RGPD2: variants seen among roughly 807,000 people sequenced by gnomAD.
RGPD2 encodes the protein RANBP2-like and GRIP domain-containing protein 2.
A neutral mutation model predicts 36.0 loss-of-function variants in RGPD2; 2 were observed. That is an observed-to-expected ratio of 0.06 (90% CI 0.02 to 0.17). RGPD2 has a LOEUF of 0.17. Ranked by LOEUF, RGPD2 falls within the 10% of genes least tolerant of loss-of-function variation. The pLI is 1.00. For synonymous variants in RGPD2, 19 were observed against 163.8 expected (o/e 0.12, Z 6.75); for missense variants, 40 against 464.3 (o/e 0.09, Z 8.40).
At chr2:87,922,356 T>C in the RGPD2 span, among the ~76,000 whole-genome samples, 9 of 150,228 alleles carry the variant, frequency 6.0e-5, no homozygotes, top group African/African-American at 2.0e-4. Context: ...AACTAACATA[T>C]TATAAAGTTC....
At chr2:87,973,751 T>C in the RGPD2 span, among the ~76,000 whole-genome samples, 1 of 150,742 alleles carries the variant, frequency 6.6e-6, no homozygotes, top group African/African-American at 2.4e-5. Context: ...GAGTTCCTAC[T>C]GACTTACTTT....
chr2:87,894,451 T>G, the RGPD2 span, among the ~76,000 whole-genome samples: 2 of 150,242 alleles, frequency 1.3e-5, no homozygotes, highest in Non-Finnish European at 3.0e-5. Flanking sequence ...ATAGTGTTGA[T>G]TCAATTAAAG....
At chr2:87,869,065 T>G in the RGPD2 span, among the ~76,000 whole-genome samples, 1 of 152,166 alleles carries the variant, frequency 6.6e-6, no homozygotes, top group Non-Finnish European at 1.5e-5. Context: ...TTGTCCCAAC[T>G]TTATAAACTC....
chr2:87,850,102 TTTTTG>T, the RGPD2 span, among the ~76,000 whole-genome samples: 2 of 135,158 alleles, frequency 1.5e-5, no homozygotes, highest in Non-Finnish European at 3.2e-5. Context: ...AACGTACTTA[TTTTTG>T]TAATGATAAA....
chr2:87,965,887 GA>G, the RGPD2 span, among the ~76,000 whole-genome samples: 1 of 124,098 alleles, frequency 8.1e-6, no homozygotes, highest in Admixed American at 9.3e-5. Flanking sequence ...TAAAGCCCTA[GA>G]AGTATAACCA....
chr2:87,877,723 C>T, the RGPD2 span, among the ~76,000 whole-genome samples: 8 of 143,246 alleles, frequency 5.6e-5, no homozygotes, highest in Admixed American at 1.5e-4. Flanking sequence ...GAGAATGGCA[C>T]GAACCCAGGA....
the RGPD2 span, among the ~76,000 whole-genome samples, chr2:87,974,275 G>A: frequency 6.9e-6 from 1 of 145,638 alleles, no homozygotes; most frequent in Non-Finnish European, 1.5e-5. Flanking sequence ...GTGGAGCGTA[G>A]AGCACAAGTC....
chr2:87,857,774 T>TAAAAAAA, the RGPD2 span, among the ~76,000 whole-genome samples: 15 of 123,452 alleles, frequency 1.2e-4, no homozygotes, highest in African/African-American at 5.7e-4. Context: ...CCATCTCTAC[T>TAAAAAAA]AAAAAAAAAA....
At chr2:87,758,364 CA>C (rs1203841978) in intron 22 of RGPD2, among the ~76,000 whole-genome samples, 1 of 108,200 alleles carries the variant, frequency 9.2e-6, no homozygotes, top group Non-Finnish European at 1.9e-5. Context: ...TTCACATGGA[CA>C]AAATGGTGTT....
chr2:87,916,780 G>A, the RGPD2 span, among the ~76,000 whole-genome samples: 33 of 150,724 alleles, frequency 2.2e-4, no homozygotes, highest in East Asian at 6.6e-3. Context: ...AGAACCATGA[G>A]CCAATTAAAC....
chr2:87,845,003 T>C, the RGPD2 span, among the ~76,000 whole-genome samples: 1 of 106,042 alleles, frequency 9.4e-6, no homozygotes, highest in Admixed American at 1.1e-4. Context: ...CTTTTCTTAT[T>C]GTCTGAGCAA....
the RGPD2 span, among the ~76,000 whole-genome samples, chr2:87,853,018 G>T: frequency 6.6e-6 from 1 of 152,322 alleles, no homozygotes; most frequent in African/African-American, 2.4e-5. Context: ...CCTGCCCTTA[G>T]TAGGCACTTA....
chr2:87,760,887 C>G (rs1031257195), intron 22 of RGPD2, among the ~76,000 whole-genome samples: 5 of 149,710 alleles, frequency 3.3e-5, no homozygotes. Context: ...AAATTGCTGG[C>G]ATTATAGGCG....
the RGPD2 span, among the ~76,000 whole-genome samples, chr2:87,913,956 A>G: frequency 6.6e-6 from 1 of 152,174 alleles, no homozygotes; most frequent in Admixed American, 6.6e-5. Flanking sequence ...TGTTTTTAAA[A>G]TTAATTATTT....
At chr2:87,915,498 TATATAC>T in the RGPD2 span, among the ~76,000 whole-genome samples, 4 of 141,710 alleles carry the variant, frequency 2.8e-5, no homozygotes, top group Non-Finnish European at 6.1e-5. Context: ...TATATACGTA[TATATAC>T]ATATATACAA....
chr2:87,866,706 T>C, the RGPD2 span, among the ~76,000 whole-genome samples: 1 of 152,190 alleles, frequency 6.6e-6, no homozygotes, highest in Non-Finnish European at 1.5e-5. Context: ...CACCTGTGTC[T>C]GCACATGTGG....
chr2:87,969,678 CT>C, the RGPD2 span, among the ~76,000 whole-genome samples: 1,426 of 109,430 alleles, frequency 0.013, 102 homozygotes, highest in East Asian at 0.1. Flanking sequence ...AAAAAATTTA[CT>C]CTTAGTATCT....
chr2:87,824,332 GAGA>G (rs1490564016), intron 1 of RGPD2, among the ~76,000 whole-genome samples: 3 of 151,822 alleles, frequency 2.0e-5, no homozygotes, highest in African/African-American at 4.9e-5. Flanking sequence ...GGCAAAACAA[GAGA>G]AGATTAACAA....
At chr2:87,952,640 A>C in the RGPD2 span, among the ~76,000 whole-genome samples, 2 of 151,964 alleles carry the variant, frequency 1.3e-5, no homozygotes, top group South Asian at 4.1e-4. Context: ...AAATGAATTA[A>C]TGCCAACTCT....
Sources: allele counts gnomAD v4.1 joint callset (sites outside exome capture counted in the v4.1 genomes callset), GRCh38; gene constraint gnomAD v4.1.1; transcripts MANE v1.5; gene names NCBI Gene and HGNC (gene_info 2026-07-23, HGNC 2026-07-21).